The following LEKR1 variants were observed in gnomAD, a reference collection of about 807,000 sequenced individuals.
LEKR1 encodes the protein protein LEKR1.
LEKR1 carries 59 observed loss-of-function variants against 72.4 expected under a neutral mutation model. The ratio of observed to expected loss-of-function variants is 0.82; its 90% confidence interval spans 0.66 to 1.01. The LOEUF (loss-of-function observed/expected upper bound fraction) is 1.01, where lower values mean the gene tolerates loss of function less well. LEKR1 is among the 50% of genes least tolerant of loss of function. The pLI is 0.00. For missense variants in LEKR1, 728 were observed against 759.2 expected (o/e 0.96, Z 0.48); for synonymous variants, 257 against 263.2 (o/e 0.98, Z 0.23).
rs146994820 is a variant in LEKR1, at chr3:157,028,134, A to T, written c.1400A>T (p.Asp467Val). 6.2e-7 allele frequency: 1 copy of T among 1,602,526 alleles called. No individual in the cohort carries two copies. Among genetic ancestry groups the T allele is most frequent in the Non-Finnish European group, 8.5e-7 (1 of 1,174,288 alleles). ...ISDLITGATR[D>V]LRQEVTTLKE... Reference sequence around the variant, plus strand: ...GACTTAATCACAGGCGCTACAAGAGATCTAAGGCAGGAAGTGACCACTCTT... The same window carrying T: ...GACTTAATCACAGGCGCTACAAGAGTTCTAAGGCAGGAAGTGACCACTCTT... Residue 467 changes from aspartate (D) to valine (V), a missense_variant, in exon 12 of 13, where the codon GAT becomes GTT. Transcript: ENST00000356539.
At chr3:156,944,230 A>G (rs939817274) in intron 6 of LEKR1, among the ~76,000 whole-genome samples, 2 of 151,632 alleles carry the variant, frequency 1.3e-5, no homozygotes, top group Non-Finnish European at 1.5e-5. Flanking sequence ...TTTTGATTTT[A>G]TTTAAAAAAT....
At position 156,882,541 on chromosome 3, in the gene LEKR1, T is replaced by C. The variant is rs955824125; in HGVS notation, c.263+29559T>C. ...GGATGTGGAGAAATAGGAACACTTT[T>C]ACACTGTTGGTGGGAGTGTAAACTA... On this transcript the variant is annotated intron_variant, in intron 3 of 12. Coordinates refer to ENST00000356539, the MANE Select transcript of LEKR1 (RefSeq NM_001004316.3). Among the ~76,000 whole-genome samples the C allele has an allele frequency of 3.9e-5, 6 of 152,074 alleles. No homozygotes were observed. In the South Asian group the frequency reaches 6.2e-4, roughly 16 times the overall value.
At position 157,011,478 on chromosome 3, in the gene LEKR1, T is replaced by C; in HGVS notation, c.1175T>C (p.Leu392Pro). 1 of 1,612,760 alleles carries C rather than the reference T, an allele frequency of 6.2e-7. No individual in the cohort carries two copies. The highest frequency in any genetic ancestry group is 8.5e-7 in the Non-Finnish European group (1 of 1,178,914). ...CTGCAAGAAACCCTTAGACAGAAGC[T>C]GCTGAGTGATGATAACTGGAAGGAG... ...EQLQETLRQK[L>P]LSDDNWKEKI... The change falls in exon 10 of 13, where the codon CTG (leucine) becomes CCG (proline). Residue 392 changes from leucine (L) to proline (P), a missense_variant. By Grantham distance (98) the Leu-to-Pro change is moderately conservative. Coordinates refer to ENST00000356539, the MANE Select transcript of LEKR1 (RefSeq NM_001004316.3).
At chr3:156,974,608 C>CT (rs1201070877) in intron 6 of LEKR1, among the ~76,000 whole-genome samples, 1 of 151,978 alleles carries the variant, frequency 6.6e-6, no homozygotes, top group Non-Finnish European at 1.5e-5. Flanking sequence ...CTTTCTTGCC[C>CT]TTTTTTGTTT....
At chr3:156,879,464 G>A (rs115503737) in intron 3 of LEKR1, among the ~76,000 whole-genome samples, 23,849 of 152,030 alleles carry the variant, frequency 0.16, 2,137 homozygotes, top group South Asian at 0.25. Context: ...AAAGCATTCC[G>A]TTTTCAAAGG....
At chr3:156,896,714 A>G (rs1281516422) in intron 3 of LEKR1, among the ~76,000 whole-genome samples, 1 of 152,238 alleles carries the variant, frequency 6.6e-6, no homozygotes, top group Non-Finnish European at 1.5e-5. Context: ...AGGAATATAA[A>G]TCGTTCTACC....
intron 5 of LEKR1, among the ~76,000 whole-genome samples, chr3:156,932,279 C>G (rs1203786431): frequency 6.6e-6 from 1 of 152,072 alleles, no homozygotes; most frequent in Non-Finnish European, 1.5e-5. Context: ...AACCATGAAA[C>G]TTTAATTTCA....
At chr3:157,038,084 C>G (rs1411910258) in intron 12 of LEKR1, among the ~76,000 whole-genome samples, 1 of 152,154 alleles carries the variant, frequency 6.6e-6, no homozygotes, top group East Asian at 1.9e-4. Flanking sequence ...AAGGAATTGA[C>G]ATGATCTGAC....
intron 2 of LEKR1, chr3:156,852,127 A>G (rs757029162): frequency 6.6e-6 from 1 of 152,204 alleles, no homozygotes; most frequent in African/African-American, 2.4e-5. Context: ...GCTTCTCCGC[A>G]TATCAGCTGG....
At chr3:156,980,766 A>T (rs1284254315) in intron 7 of LEKR1, among the ~76,000 whole-genome samples, 1 of 152,200 alleles carries the variant, frequency 6.6e-6, no homozygotes, top group Non-Finnish European at 1.5e-5. Context: ...TTGTGGGCAT[A>T]CCAAGACTTA....
chr3:156,937,572 T>C (rs1400516838), intron 5 of LEKR1, among the ~76,000 whole-genome samples: 2 of 152,184 alleles, frequency 1.3e-5, no homozygotes, highest in African/African-American at 2.4e-5. Context: ...CTGGTAGGAA[T>C]ATAAAATGGT....
chr3:156,865,384 G>T (rs1419911464), intron 3 of LEKR1, among the ~76,000 whole-genome samples: 3 of 152,016 alleles, frequency 2.0e-5, no homozygotes, highest in Non-Finnish European at 2.9e-5. Flanking sequence ...TTAAATGGGG[G>T]TGTGTGAGAT....
intron 6 of LEKR1, among the ~76,000 whole-genome samples, chr3:156,968,285 T>C (rs1728817365): frequency 6.6e-6 from 1 of 152,140 alleles, no homozygotes; most frequent in Non-Finnish European, 1.5e-5. Flanking sequence ...ATATTAACCT[T>C]AAATGTAAAT....
At chr3:156,870,364 C>T (rs9811311) in intron 3 of LEKR1, among the ~76,000 whole-genome samples, 3,675 of 151,892 alleles carry the variant, frequency 0.024, 166 homozygotes, top group African/African-American at 0.084. Flanking sequence ...TTCTTTTTGT[C>T]GTCTTTATTT....
intron 9 of LEKR1, among the ~76,000 whole-genome samples, chr3:157,003,337 T>C (rs990217739): frequency 1.3e-5 from 2 of 152,226 alleles, no homozygotes; most frequent in African/African-American, 4.8e-5. Context: ...ATACCACTTA[T>C]AGGAAGACCA....
intron 3 of LEKR1, among the ~76,000 whole-genome samples, chr3:156,887,282 T>C (rs1576746147): frequency 6.6e-6 from 1 of 152,110 alleles, no homozygotes; most frequent in Non-Finnish European, 1.5e-5. Context: ...TTTTGGAGAT[T>C]TTCTTGTCAC....
At chr3:156,963,664 A>C (rs1728314384) in intron 6 of LEKR1, among the ~76,000 whole-genome samples, 2 of 152,190 alleles carry the variant, frequency 1.3e-5, no homozygotes, top group South Asian at 4.1e-4. Context: ...TGACATTCAC[A>C]TACCACTTGC....
Position 156,961,801 on chromosome 3 carries a change from G to A in LEKR1, c.746-17393G>A, listed in dbSNP as rs1003432563. Among the ~76,000 whole-genome samples, 3 of 152,084 alleles carry A rather than the reference G, an allele frequency of 2.0e-5. No homozygotes were observed. In the South Asian group the frequency reaches 6.2e-4, roughly 32 times the overall value. ...ACTTCATCTGTAAATTGGGAATATGGTAGCTTTTCTTACCTACCTTAATAC... is the reference window on the plus strand; with the variant it reads ...ACTTCATCTGTAAATTGGGAATATGATAGCTTTTCTTACCTACCTTAATAC... On this transcript the variant is annotated intron_variant, in intron 6 of 12. Coordinates refer to ENST00000356539, the MANE Select transcript of LEKR1 (RefSeq NM_001004316.3).
At chr3:156,892,242 G>A (rs757513215) in intron 3 of LEKR1, among the ~76,000 whole-genome samples, 13 of 152,048 alleles carry the variant, frequency 8.5e-5, no homozygotes, top group Non-Finnish European at 1.5e-4. Context: ...CAGACTAAGC[G>A]TAGATAATTG....
Sources: gnomAD v4.1 joint callset for allele counts (sites outside exome capture counted in the v4.1 genomes callset) on GRCh38, gnomAD v4.1.1 for gene constraint, MANE v1.5 for transcripts, NCBI Gene and HGNC (gene_info 2026-07-23, HGNC 2026-07-21) for gene names.